Variants in FRMD4B observed in about 807,000 individuals in gnomAD.
The protein encoded by FRMD4B is FERM domain containing 4B, also known as FERM domain-containing protein 4B.
FRMD4B carries 74 observed loss-of-function variants against 141.5 expected under a neutral mutation model. The observed-to-expected ratio is 0.52, with a 90% confidence interval of 0.43 to 0.63. The LOEUF (loss-of-function observed/expected upper bound fraction) is 0.63. Among genes scored for constraint, FRMD4B ranks in the 30% least tolerant of loss-of-function variants. FRMD4B has a pLI of 0.00. For missense variants in FRMD4B, 1,366 were observed against 1,253.4 expected (o/e 1.09, Z -1.36); for synonymous variants, 506 against 467.9 (o/e 1.08, Z -1.05).
chr3:69,371,398 C>T (rs1703818858), intron 1 of FRMD4B, among the ~76,000 whole-genome samples: 1 of 152,196 alleles, frequency 6.6e-6, no homozygotes. Context: ...ACTGATCACA[C>T]AGACACACAG....
At chr3:69,390,133 T>C (rs915407830), upstream of FRMD4B, among the ~76,000 whole-genome samples, 3 of 152,090 alleles carry the variant, frequency 2.0e-5, no homozygotes, top group African/African-American at 7.2e-5. Context: ...AAGAAGAGCA[T>C]GAATGCCAAG....
In FRMD4B at chr3:69,445,468, G is replaced by C. The variant is rs141958307; in HGVS notation, c.-128-12707C>G. 3.5e-3 allele frequency among the ~76,000 whole-genome samples: 528 copies of C among 152,158 alleles called. 4 individuals are homozygous for C. Among genetic ancestry groups the C allele is most frequent in the African/African-American group, 0.012 (495 of 41,508 alleles). ...CCATAAACCTGTATATTCTTCCTCC[G>C]CATCATCCCACTTCTCATTCATTAA... On this transcript the variant is annotated intron_variant, in intron 1 of 5. Transcript: ENST00000459638.
chr3:69,529,238 A>G (rs1559554465), intron 1 of FRMD4B, among the ~76,000 whole-genome samples: 1 of 152,140 alleles, frequency 6.6e-6, no homozygotes, highest in Non-Finnish European at 1.5e-5. Context: ...TTTTTAAAAG[A>G]AACCAAGGAT....
chr3:69,483,808 A>G (rs1706170017), intron 1 of FRMD4B, among the ~76,000 whole-genome samples: 2 of 152,238 alleles, frequency 1.3e-5, no homozygotes, highest in Admixed American at 1.3e-4. Context: ...CATTACGATG[A>G]CCTTATCAAA....
chr3:69,204,669 T>C (rs1316636400), intron 11 of FRMD4B, among the ~76,000 whole-genome samples: 8 of 152,230 alleles, frequency 5.3e-5, no homozygotes, highest in Admixed American at 2.6e-4. Flanking sequence ...TTCCATCAAA[T>C]GTTTATGTGA....
At chr3:69,351,667 A>G (rs1703154746) in intron 1 of FRMD4B, among the ~76,000 whole-genome samples, 1 of 152,202 alleles carries the variant, frequency 6.6e-6, no homozygotes, top group African/African-American at 2.4e-5. Context: ...GAAATTAGGC[A>G]AAATCATCCT....
chr3:69,508,755 T>C (rs1252987776), intron 1 of FRMD4B, among the ~76,000 whole-genome samples: 1 of 152,202 alleles, frequency 6.6e-6, no homozygotes, highest in African/African-American at 2.4e-5. Context: ...TTTGGGACAG[T>C]ACAGAGCAAC....
At chr3:69,227,926 G>C (rs1408790825) in intron 7 of FRMD4B, among the ~76,000 whole-genome samples, 1 of 151,896 alleles carries the variant, frequency 6.6e-6, no homozygotes, top group Non-Finnish European at 1.5e-5. Flanking sequence ...GGGAAAGGGG[G>C]TATAAAGGAA....
chr3:69,372,678 T>TAAAC (rs143155420), intron 1 of FRMD4B, among the ~76,000 whole-genome samples: 39,438 of 151,804 alleles, frequency 0.26, 5,571 homozygotes, highest in Middle Eastern at 0.33. Flanking sequence ...AACAAATAAA[T>TAAAC]AAATAAACAA....
At chr3:69,175,832 G>A (rs2092639066) in intron 22 of FRMD4B, among the ~76,000 whole-genome samples, 1 of 137,770 alleles carries the variant, frequency 7.3e-6, no homozygotes, top group East Asian at 2.2e-4. Flanking sequence ...CCAGGCTGGA[G>A]TGCAGTGGCG....
In FRMD4B at chr3:69,497,008, G is replaced by A. The variant is rs539358585; in HGVS notation, c.-129+45198C>T. Among the ~76,000 whole-genome samples the A allele has an allele frequency of 6.6e-5, 10 of 151,914 alleles. No individual in the cohort carries two copies. The South Asian group carries it at 1.2e-3, about 19-fold the overall frequency. ...ACGCCGAGGAAGGAGAATACCTCTC[G>A]AACCCACTGATGTAAACTCTGACCA... On this transcript the variant is annotated intron_variant, in intron 1 of 5. Transcript: ENST00000459638.
intron 10 of FRMD4B, among the ~76,000 whole-genome samples, chr3:69,217,392 AG>A (rs2093151763): frequency 6.6e-6 from 1 of 152,142 alleles, no homozygotes; most frequent in South Asian, 2.1e-4. Flanking sequence ...AGCCTGAGGC[AG>A]GTGGATCACC....
chr3:69,175,769 C>CTTTT (rs141059202), intron 22 of FRMD4B, among the ~76,000 whole-genome samples: 3 of 88,094 alleles, frequency 3.4e-5, no homozygotes, highest in African/African-American at 1.1e-4. Flanking sequence ...CTTTTCTTCT[C>CTTTT]TTTTTTTTTT....
intron 2 of FRMD4B, among the ~76,000 whole-genome samples, chr3:69,424,396 C>T (rs1052039515): frequency 2.0e-5 from 3 of 152,146 alleles, no homozygotes; most frequent in African/African-American, 4.8e-5. Flanking sequence ...TGGACTCAAG[C>T]GATCTTCCCG....
intron 1 of FRMD4B, among the ~76,000 whole-genome samples, chr3:69,370,264 G>A (rs1703788325): frequency 6.6e-6 from 1 of 152,124 alleles, no homozygotes; most frequent in East Asian, 1.9e-4. Flanking sequence ...AGAGCAAACG[G>A]TCTGAAATGT....
chr3:69,271,225 G>A (rs2093593002), intron 5 of FRMD4B, among the ~76,000 whole-genome samples: 1 of 152,182 alleles, frequency 6.6e-6, no homozygotes, highest in African/African-American at 2.4e-5. Context: ...TTAGTAGCTT[G>A]TCTTGACGTA....
intron 1 of FRMD4B, among the ~76,000 whole-genome samples, chr3:69,531,371 TG>T (rs1701006550): frequency 6.6e-6 from 1 of 151,498 alleles, no homozygotes; most frequent in Non-Finnish European, 1.5e-5. Flanking sequence ...CAAGAAAAGA[TG>T]TAGCCACATT....
At chr3:69,517,745 C>T (rs1245245050) in intron 1 of FRMD4B, among the ~76,000 whole-genome samples, 1 of 152,176 alleles carries the variant, frequency 6.6e-6, no homozygotes, top group Non-Finnish European at 1.5e-5. Flanking sequence ...CAGCTCACAA[C>T]ATCCTTGAGC....
At chr3:69,216,697 T>G (rs2093144068) in intron 10 of FRMD4B, among the ~76,000 whole-genome samples, 1 of 152,274 alleles carries the variant, frequency 6.6e-6, no homozygotes, top group East Asian at 1.9e-4. Flanking sequence ...CCCAAAGTGC[T>G]GGGATTATAG....
Sources: allele counts gnomAD v4.1 joint callset (sites outside exome capture counted in the v4.1 genomes callset), GRCh38; gene constraint gnomAD v4.1.1; transcripts MANE v1.5; gene names NCBI Gene and HGNC (gene_info 2026-07-23, HGNC 2026-07-21).